The following DPP4 variants were observed in gnomAD, a reference collection of about 807,000 sequenced individuals.
DPP4 encodes the protein dipeptidyl peptidase 4, also known as ADCP-2.
DPP4 carries 93 observed loss-of-function variants against 122.4 expected under a neutral mutation model. That is an observed-to-expected ratio of 0.76 (90% CI 0.64 to 0.90). The LOEUF (loss-of-function observed/expected upper bound fraction) is 0.90. DPP4 is among the 40% of genes least tolerant of loss of function. DPP4 has a pLI of 0.00. For synonymous variants in DPP4, 321 were observed against 302.9 expected (o/e 1.06, Z -0.62); for missense variants, 914 against 907.3 (o/e 1.01, Z -0.09).
At chr2:162,066,884 A>G (rs1684963858) in intron 2 of DPP4, among the ~76,000 whole-genome samples, 1 of 152,136 alleles carries the variant, frequency 6.6e-6, no homozygotes, top group African/African-American at 2.4e-5. Flanking sequence ...ATAGAGCAAG[A>G]ACTCACTCAC....
At chr2:162,003,606 GGCAGTT>G (rs1260972195) in intron 23 of DPP4, among the ~76,000 whole-genome samples, 1 of 152,166 alleles carries the variant, frequency 6.6e-6, no homozygotes, top group African/African-American at 2.4e-5. Context: ...TGGGATCCTA[GGCAGTT>G]GCACCTCTAA....
At chr2:162,004,211 G>A (rs534565087) in intron 23 of DPP4, among the ~76,000 whole-genome samples, 18 of 152,280 alleles carry the variant, frequency 1.2e-4, no homozygotes, top group African/African-American at 4.1e-4. Flanking sequence ...ACATGTTGTG[G>A]GTGGGAGTTA....
rs1400275421 is a variant in DPP4, at chr2:162,038,167, A to G, written c.613+135T>C. 4 of 852,354 alleles carry G rather than the reference A, an allele frequency of 4.7e-6. No homozygotes were observed. The African/African-American group carries it at 7.0e-5, about 15-fold the overall frequency. 52.8% of individuals were successfully genotyped at this position (852,354 alleles called of 1,614,324 possible). A position where few individuals can be genotyped will look rare whatever the true frequency, so the allele number is the denominator to read the frequency against. Reference sequence around the variant, plus strand: ...GGAGACATCTGGTGCTGTGAGTTCTAAGAGAAATCTGATGACATTTTAAAC... The same window carrying G: ...GGAGACATCTGGTGCTGTGAGTTCTGAGAGAAATCTGATGACATTTTAAAC... On this transcript the variant is annotated intron_variant, in intron 8 of 25. Coordinates refer to ENST00000360534, the MANE Select transcript of DPP4 (RefSeq NM_001935.4).
chr2:162,058,373 A>G (rs2106149582), intron 2 of DPP4, among the ~76,000 whole-genome samples: 1 of 152,306 alleles, frequency 6.6e-6, no homozygotes. Flanking sequence ...TAGTTGGAAT[A>G]TAGCAATCTG....
chr2:162,036,061 T>G (rs1488867026), intron 8 of DPP4, among the ~76,000 whole-genome samples: 1 of 152,156 alleles, frequency 6.6e-6, no homozygotes, highest in East Asian at 1.9e-4. Context: ...CCTATGATTA[T>G]TATGGGGTCT....
At position 162,058,152 on chromosome 2, in the gene DPP4, T is replaced by C. The variant is rs1684643453; in HGVS notation, c.95-10651A>G. On this transcript the variant is annotated intron_variant, in intron 2 of 25. Coordinates refer to ENST00000360534, the MANE Select transcript of DPP4 (RefSeq NM_001935.4). ...CCTAACTGATATAAGAACTGATTCA[T>C]CTTACCTATTGTGATGAAATTAAAT... Among the ~76,000 whole-genome samples the C allele has an allele frequency of 3.3e-5, 5 of 152,210 alleles. No individual in the cohort carries two copies. The South Asian group carries it at 8.3e-4, about 25-fold the overall frequency.
At chr2:162,073,030 GC>G (rs2106165295) in intron 2 of DPP4, among the ~76,000 whole-genome samples, 1 of 151,816 alleles carries the variant, frequency 6.6e-6, no homozygotes, top group South Asian at 2.1e-4. Flanking sequence ...TTTAAACACT[GC>G]CTTTTTTCCT....
At chr2:162,048,626 T>C (rs959536565) in intron 2 of DPP4, among the ~76,000 whole-genome samples, 4 of 152,182 alleles carry the variant, frequency 2.6e-5, no homozygotes, top group African/African-American at 4.8e-5. Context: ...TGCTCCTTTT[T>C]CTAAACCACT....
At chr2:162,007,326 T>C (rs1415773959) in intron 22 of DPP4, among the ~76,000 whole-genome samples, 2 of 152,104 alleles carry the variant, frequency 1.3e-5, no homozygotes, top group African/African-American at 4.8e-5. Flanking sequence ...CTGCTTGTCA[T>C]AGAACACAAT....
At chr2:162,043,450 G>A (rs979835130) in intron 5 of DPP4, among the ~76,000 whole-genome samples, 1 of 152,144 alleles carries the variant, frequency 6.6e-6, no homozygotes, top group African/African-American at 2.4e-5. Context: ...CAGGGGGAAG[G>A]GGACAGAGTG....
intron 16 of DPP4, 67 bp downstream of exon 16, chr2:162,018,662 T>TAG: frequency 1.9e-6 from 3 of 1,565,714 alleles, no homozygotes; most frequent in Non-Finnish European, 1.7e-6. Flanking sequence ...TCAAAAGGAA[T>TAG]AGAGGGAGCT....
chr2:162,024,942 G>A lies in DPP4; in HGVS notation c.888-3C>T, dbSNP rs893208172. 10 of 1,612,066 alleles carry A rather than the reference G, an allele frequency of 6.2e-6. No individual in the cohort carries two copies. The Admixed American group carries it at 8.3e-5, about 13-fold the overall frequency. On this transcript the variant is annotated splice_region_variant and splice_polypyrimidine_tract_variant and intron_variant, in intron 10 of 25. Transcript: ENST00000360534. Reference sequence around the variant, plus strand: ...TCACATCACACAAGTAGTGATCCCTGGAAGGAAGAAAGAAAGGAAGGACAG... The same window carrying A: ...TCACATCACACAAGTAGTGATCCCTAGAAGGAAGAAAGAAAGGAAGGACAG...
rs550088899 is a variant in DPP4, at chr2:161,996,782, T to C, written c.2053-1410A>G. On this transcript the variant is annotated intron_variant, in intron 23 of 25. Transcript: ENST00000360534. ...TTAATCTCTTATGGTGCCTAATTTA[T>C]AAACTTTATCATAGGTATGTATATA... 1.1e-3 allele frequency among the ~76,000 whole-genome samples: 164 copies of C among 152,342 alleles called. 1 individual carries two copies. The highest frequency in any genetic ancestry group is 1.2e-3 in the Non-Finnish European group (82 of 68,044).
chr2:162,037,457 TATA>T (rs1163551435), intron 8 of DPP4, among the ~76,000 whole-genome samples: 2 of 152,154 alleles, frequency 1.3e-5, no homozygotes, highest in African/African-American at 4.8e-5. Context: ...TTGTTGTTGT[TATA>T]ATGAGTCAAC....
At chr2:162,027,673 A>C (rs1198166911) in intron 10 of DPP4, among the ~76,000 whole-genome samples, 11 of 152,168 alleles carry the variant, frequency 7.2e-5, no homozygotes, top group Non-Finnish European at 1.6e-4. Context: ...ACTTTTTGAC[A>C]ATAATTAGTG....
chr2:162,010,482 C>T (rs2389643), intron 20 of DPP4, among the ~76,000 whole-genome samples: 13,954 of 152,184 alleles, frequency 0.092, 978 homozygotes, highest in Admixed American at 0.23. Flanking sequence ...TTATGCTTAG[C>T]TCTTTTTAGT....
intron 10 of DPP4, 97 bp from the exon 11 acceptor site, chr2:162,025,036 T>A (rs1385739769): frequency 3.8e-6 from 5 of 1,331,242 alleles, no homozygotes; most frequent in Non-Finnish European, 5.1e-6. Flanking sequence ...TGAAAAGAAA[T>A]CAATCTTAAT....
chr2:162,009,363 A>G (rs1701362078), intron 20 of DPP4, 68 bp from the exon 21 acceptor site: 10 of 1,403,648 alleles, frequency 7.1e-6, no homozygotes, highest in Middle Eastern at 1.8e-4. Flanking sequence ...ATGAGGCACA[A>G]ATGTGAAACC....
chr2:162,026,459 C>T (rs1045417537), intron 10 of DPP4, among the ~76,000 whole-genome samples: 7 of 152,210 alleles, frequency 4.6e-5, no homozygotes, highest in Admixed American at 6.5e-5. Flanking sequence ...GGCTGGTATT[C>T]TCAGGAACAC....
Sources: gnomAD v4.1 joint callset for allele counts (sites outside exome capture counted in the v4.1 genomes callset) on GRCh38, gnomAD v4.1.1 for gene constraint, MANE v1.5 for transcripts, NCBI Gene and HGNC (gene_info 2026-07-23, HGNC 2026-07-21) for gene names.